The following LRCH1 variants were observed in gnomAD, a reference collection of about 807,000 sequenced individuals.
LRCH1 encodes the protein leucine-rich repeat and calponin homology domain-containing protein 1.
In LRCH1, 23 loss-of-function variants were observed where a neutral mutation model predicts 94.9. That is an observed-to-expected ratio of 0.24 (90% CI 0.17 to 0.34). The LOEUF is 0.34. LRCH1 is among the 10% of genes least tolerant of loss of function. The pLI, the probability that LRCH1 is intolerant of heterozygous loss-of-function variation, is 1.00. For missense variants in LRCH1, 790 were observed against 945.9 expected (o/e 0.84, Z 2.16); for synonymous variants, 364 against 354.9 (o/e 1.03, Z -0.29).
intron 7 of LRCH1, among the ~76,000 whole-genome samples, chr13:46,690,556 A>G (rs1216303803): frequency 6.6e-6 from 1 of 152,222 alleles, no homozygotes; most frequent in African/African-American, 2.4e-5. Context: ...GGATGCTAAT[A>G]TCATTCTAAA....
intron 13 of LRCH1, among the ~76,000 whole-genome samples, chr13:46,710,350 C>G (rs925046467): frequency 1.3e-5 from 2 of 152,156 alleles, no homozygotes; most frequent in East Asian, 3.9e-4. Context: ...GGGGGATCAG[C>G]TCTGTGTGAG....
intron 18 of LRCH1, among the ~76,000 whole-genome samples, chr13:46,732,166 C>G (rs1470601198): frequency 3.9e-5 from 6 of 152,178 alleles, no homozygotes; most frequent in Non-Finnish European, 5.9e-5. Context: ...GTATTATCAC[C>G]AGCAAAAGCA....
chr13:46,603,314 T>A (rs1197679592), intron 1 of LRCH1, among the ~76,000 whole-genome samples: 2 of 152,120 alleles, frequency 1.3e-5, no homozygotes, highest in Non-Finnish European at 2.9e-5. Flanking sequence ...TGACCCTGAC[T>A]CAAGTCTTCC....
chr13:46,695,354 C>T (rs1367386281), intron 9 of LRCH1, among the ~76,000 whole-genome samples: 1 of 152,122 alleles, frequency 6.6e-6, no homozygotes, highest in Non-Finnish European at 1.5e-5. Context: ...TAGGTAAATC[C>T]TTTTCTTGGG....
intron 19 of LRCH1, among the ~76,000 whole-genome samples, chr13:46,736,118 CTGTGTGTGTGTG>C (rs3138585): frequency 4.1e-4 from 59 of 142,296 alleles, no homozygotes; most frequent in African/African-American, 1.4e-3. Flanking sequence ...CAAATTTGCT[CTGTGTGTGTGTG>C]TGTGTGTGTG....
At chr13:46,660,116 A>C (rs747512291) in intron 2 of LRCH1, among the ~76,000 whole-genome samples, 1 of 132,998 alleles carries the variant, frequency 7.5e-6, no homozygotes, top group Admixed American at 9.7e-5. Context: ...GGTTCACGCC[A>C]TTCTCCTGCC....
rs2050028790 is a variant in LRCH1, at chr13:46,553,686, C to T, written c.290C>T (p.Ser97Leu). 2 of 1,610,056 alleles carry T rather than the reference C, an allele frequency of 1.2e-6. No individual in the cohort carries two copies. Among genetic ancestry groups the T allele is most frequent in the Non-Finnish European group, 1.7e-6 (2 of 1,179,334 alleles). Residue 97 changes from serine to leucine, a missense_variant, in exon 1 of 20, where the codon TCG (serine) becomes TTG (leucine). By Grantham distance (145) the Ser-to-Leu change is moderately radical. This residue lies in a region of LRCH1 where 136 missense variants were observed against 143.5 expected (regional missense o/e 0.95). Transcript: ENST00000389797. ...ACCGCAGCCCCCGGGCACGACCTCT[C>T]GGACACGGTGCAGGCAGGTGAGTGA... ...PRTAAPGHDL[S>L]DTVQADLSKN...
At chr13:46,567,865 A>C (rs565003754) in intron 1 of LRCH1, among the ~76,000 whole-genome samples, 399 of 152,290 alleles carry the variant, frequency 2.6e-3, no homozygotes, top group South Asian at 5.4e-3. Flanking sequence ...GAGTTCTGAG[A>C]TAATGCGTCC....
chr13:46,602,294 G>A (rs1190017741), intron 1 of LRCH1, among the ~76,000 whole-genome samples: 1 of 152,204 alleles, frequency 6.6e-6, no homozygotes, highest in Non-Finnish European at 1.5e-5. Flanking sequence ...GAAGACCAGA[G>A]AAATTTAAGT....
chr13:46,573,866 A>ATATATATATATATATATATTTTTTTTT, intron 1 of LRCH1, among the ~76,000 whole-genome samples: 6 of 63,416 alleles, frequency 9.5e-5, no homozygotes, highest in Non-Finnish European at 1.6e-4. Context: ...ATATATATAT[A>ATATATATATATATATATATTTTTTTTT]TTTTTTTTTT....
In LRCH1 at chr13:46,594,980, A is replaced by G. The variant is rs190681177; in HGVS notation, c.307+41277A>G. 2.3e-3 allele frequency among the ~76,000 whole-genome samples: 357 copies of G among 152,258 alleles called. 1 individual carries two copies. Among genetic ancestry groups the G allele is most frequent in the South Asian group, 7.1e-3 (34 of 4,822 alleles). On this transcript the variant is annotated intron_variant, in intron 1 of 19. Transcript: ENST00000389797. ...ATGAACTTCATCTAAAGAGTGTGGC[A>G]GCTATAACCTTCTCCAACTTTCAGG...
chr13:46,557,211 G>T lies in LRCH1; in HGVS notation c.307+3508G>T, dbSNP rs1168160015. On this transcript the variant is annotated intron_variant, in intron 1 of 19. Transcript: ENST00000389797. ...CTGATTTATTAAGTAGTGTCGTTTT[G>T]AATGAAGAAGTTCAAAAGGGTATTT... Among the ~76,000 whole-genome samples, 5 of 150,900 alleles carry T rather than the reference G, an allele frequency of 3.3e-5. No individual in the cohort carries two copies. The East Asian group carries it at 9.7e-4, about 29-fold the overall frequency.
intron 1 of LRCH1, among the ~76,000 whole-genome samples, chr13:46,592,313 C>G (rs1336066881): frequency 6.6e-6 from 1 of 152,156 alleles, no homozygotes; most frequent in Non-Finnish European, 1.5e-5. Context: ...GCTTATGGCC[C>G]CCAAAACTGT....
chr13:46,663,267 T>A (rs1256799164), intron 2 of LRCH1, among the ~76,000 whole-genome samples: 1 of 152,226 alleles, frequency 6.6e-6, no homozygotes, highest in Non-Finnish European at 1.5e-5. Context: ...TAGTCTCTAT[T>A]TGATTTTAGC....
chr13:46,602,364 G>A (rs192833379), intron 1 of LRCH1, among the ~76,000 whole-genome samples: 7 of 152,276 alleles, frequency 4.6e-5, no homozygotes, highest in Admixed American at 2.0e-4. Context: ...CCCAGAACAC[G>A]TGCTTAATTG....
chr13:46,635,488 T>TTTG (rs2051074084), intron 1 of LRCH1, among the ~76,000 whole-genome samples: 3 of 149,256 alleles, frequency 2.0e-5, no homozygotes, highest in African/African-American at 2.5e-5. Flanking sequence ...TTTTTTTTTT[T>TTTG]GAGACGGAGT....
chr13:46,732,103 A>G (rs1873139131), intron 18 of LRCH1, among the ~76,000 whole-genome samples: 1 of 152,240 alleles, frequency 6.6e-6, no homozygotes, highest in Admixed American at 6.5e-5. Context: ...TAGTAAAGCA[A>G]TAAATGCAGT....
intron 3 of LRCH1, among the ~76,000 whole-genome samples, chr13:46,678,132 T>C (rs922766454): frequency 9.9e-5 from 15 of 152,242 alleles, no homozygotes; most frequent in African/African-American, 3.6e-4. Flanking sequence ...AATCGTATCT[T>C]CTTTAAATCA....
intron 1 of LRCH1, among the ~76,000 whole-genome samples, chr13:46,572,442 A>G (rs1021868994): frequency 6.6e-6 from 1 of 152,234 alleles, no homozygotes; most frequent in Non-Finnish European, 1.5e-5. Context: ...AGTAAAAGAT[A>G]AAATAGGTGC....
Sources: gnomAD v4.1 joint callset for allele counts (sites outside exome capture counted in the v4.1 genomes callset) on GRCh38, gnomAD v4.1.1 for gene constraint, gnomAD v4.1.1 regional missense constraint, MANE v1.5 for transcripts, NCBI Gene and HGNC (gene_info 2026-07-23, HGNC 2026-07-21) for gene names.